The following P2RX5 variants were observed in gnomAD, a reference collection of about 807,000 sequenced individuals.
P2RX5 encodes the protein P2X purinoceptor 5.
P2RX5 carries 46 observed loss-of-function variants against 54.1 expected under a neutral mutation model. The observed-to-expected ratio is 0.85, with a 90% confidence interval of 0.67 to 1.09. The LOEUF (loss-of-function observed/expected upper bound fraction) is 1.09. P2RX5 is among the 50% of genes least tolerant of loss of function. The pLI is 0.00. For synonymous variants in P2RX5, 226 were observed against 226.4 expected (o/e 1.00, Z 0.02); for missense variants, 566 against 549.8 (o/e 1.03, Z -0.29).
the P2RX5 span, among the ~76,000 whole-genome samples, chr17:3,721,320 G>A: frequency 3.1e-5 from 4 of 129,482 alleles, no homozygotes; most frequent in Non-Finnish European, 4.7e-5. Flanking sequence ...TACTCGGGCC[G>A]GAATGGAGTG....
At chr17:3,689,143 G>A (rs906124529) in intron 7 of P2RX5, among the ~76,000 whole-genome samples, 5 of 148,354 alleles carry the variant, frequency 3.4e-5, no homozygotes, top group Admixed American at 6.6e-5. Flanking sequence ...TCTGAGCGCT[G>A]CCACAGCCTG....
chr17:3,689,971 C>A, intron 6 of P2RX5, 99 bp downstream of exon 6: 2 of 1,031,702 alleles, frequency 1.9e-6, no homozygotes, highest in Non-Finnish European at 3.1e-6. Context: ...TGCACACACG[C>A]GCGCACACAC....
At position 3,673,262 on chromosome 17, in the gene P2RX5, A is replaced by G. The variant is rs1200533645; in HGVS notation, c.*606T>C. 1 of 989,632 alleles carries G rather than the reference A, an allele frequency of 1.0e-6. No homozygotes were observed. The highest frequency in any genetic ancestry group is 1.2e-6 in the Non-Finnish European group (1 of 832,170). 61.3% of individuals were successfully genotyped at this position (989,632 alleles called of 1,614,324 possible). On this transcript the variant is annotated 3_prime_UTR_variant, in exon 12 of 12. Transcript: ENST00000225328. ...ACACCATTTATTGTTTTATGACCAA[A>G]TAAGAGTGTCAGAGAATACATATCT...
chr17:3,673,977 A>C, intron 11 of P2RX5, 100 bp from the exon 12 acceptor site: 1 of 1,130,054 alleles, frequency 8.8e-7, no homozygotes, highest in African/African-American at 1.5e-5. Context: ...CCAAGTCTGA[A>C]AAGAGCTACA....
Position 3,689,862 on chromosome 17 carries a change from G to A in P2RX5, c.614+208C>T, listed in dbSNP as rs569389766. 5.3e-5 allele frequency among the ~76,000 whole-genome samples: 8 copies of A among 151,726 alleles called. No individual in the cohort carries two copies. In the East Asian group the frequency reaches 7.7e-4, roughly 15 times the overall value. On this transcript the variant is annotated intron_variant, in intron 6 of 11. Transcript: ENST00000225328. ...CACACGCACACACGCGTGCACGCAC[G>A]CACACACGCGAACACACGCACACAC... is the stretch of plus-strand genomic sequence containing the variant.
intron 11 of P2RX5, chr17:3,676,267 T>C (rs2050102286): frequency 1.0e-6 from 1 of 985,436 alleles, no homozygotes; most frequent in Non-Finnish European, 1.2e-6. Flanking sequence ...ACGTACTTCA[T>C]GTCCATTTTT....
Position 3,688,978 on chromosome 17 carries a change from A to C in P2RX5, c.754-219T>G, listed in dbSNP as rs367797330. Among the ~76,000 whole-genome samples the C allele has an allele frequency of 8.5e-5, 13 of 152,292 alleles. No homozygotes were observed. The East Asian group carries it at 2.5e-3, about 29-fold the overall frequency. On this transcript the variant is annotated intron_variant, in intron 7 of 11. Transcript: ENST00000225328. ...CTGCCTCCCTCGTTCTTCAGGGAGA[A>C]GGGAGCCGCACAGGGTAGGCCTCTC...
At chr17:3,692,403 A>G (rs953512442) in intron 1 of P2RX5, among the ~76,000 whole-genome samples, 1 of 152,224 alleles carries the variant, frequency 6.6e-6, no homozygotes, top group African/African-American at 2.4e-5. Context: ...CTGAAGCCAC[A>G]TACTGGTTTG....
chr17:3,674,323 TAAAA>T (rs1342394961), intron 11 of P2RX5, among the ~76,000 whole-genome samples: 1 of 114,216 alleles, frequency 8.8e-6, no homozygotes, highest in South Asian at 2.8e-4. Context: ...CTCAAAAAAT[TAAAA>T]AAAAAAAATA....
At chr17:3,693,127 CA>C (rs34356240) in intron 1 of P2RX5, among the ~76,000 whole-genome samples, 71 of 101,666 alleles carry the variant, frequency 7.0e-4, no homozygotes, top group African/African-American at 2.4e-3. Context: ...AGACATTTCT[CA>C]AAAAAAAAAA....
the P2RX5 span, among the ~76,000 whole-genome samples, chr17:3,706,446 G>A: frequency 2.6e-5 from 4 of 152,168 alleles, no homozygotes; most frequent in Admixed American, 6.5e-5. Context: ...GTTAAAATTC[G>A]TCTCCTGAAG....
chr17:3,681,584 G>A (rs565502060), intron 10 of P2RX5, among the ~76,000 whole-genome samples: 15 of 152,322 alleles, frequency 9.8e-5, no homozygotes, highest in African/African-American at 3.1e-4. Context: ...GACACCACTC[G>A]ATTGGTAAAC....
chr17:3,697,252 C>G (rs2050778081), upstream of P2RX5, among the ~76,000 whole-genome samples: 1 of 152,168 alleles, frequency 6.6e-6, no homozygotes, highest in Admixed American at 6.5e-5. Flanking sequence ...TGGTTCCCAA[C>G]GCACAAGAAA....
chr17:3,681,062 C>T (rs1273120201), intron 10 of P2RX5, among the ~76,000 whole-genome samples: 1 of 152,066 alleles, frequency 6.6e-6, no homozygotes, highest in Admixed American at 6.6e-5. Flanking sequence ...ACCCTGCATC[C>T]TCCACCCAGC....
chr17:3,693,907 T>A (rs144501090), intron 1 of P2RX5, among the ~76,000 whole-genome samples: 1 of 151,772 alleles, frequency 6.6e-6, no homozygotes, highest in African/African-American at 2.4e-5. Context: ...TGAGATTACA[T>A]GCGCTCGCCA....
intron 11 of P2RX5, chr17:3,677,686 G>C (rs2050136100): frequency 6.1e-6 from 6 of 985,384 alleles, no homozygotes; most frequent in Non-Finnish European, 7.2e-6. Flanking sequence ...TCTCCCTGAG[G>C]TTAGGTCAGC....
In P2RX5 at chr17:3,684,419, C is replaced by T. The variant is rs539901908; in HGVS notation, c.982-2441G>A. Among the ~76,000 whole-genome samples, 4 of 152,366 alleles carry T rather than the reference C, an allele frequency of 2.6e-5. No individual in the cohort carries two copies. The East Asian group carries it at 5.8e-4, about 22-fold the overall frequency. The stretch of plus-strand genomic sequence containing the variant: ...AGGGGTTCAAGATCAGCCTGGCCAA[C>T]ATAGTGAGACCCCATTTCTACAAAA... On this transcript the variant is annotated intron_variant, in intron 9 of 11. Transcript: ENST00000225328.
intron 10 of P2RX5, among the ~76,000 whole-genome samples, chr17:3,680,744 ACCCAGCG>A (rs1225209952): frequency 0.011 from 990 of 91,770 alleles, 9 homozygotes; most frequent in Non-Finnish European, 0.015. Flanking sequence ...TGCGTCCTCC[ACCCAGCG>A]TCCTCCACCC....
chr17:3,694,147 T>C (rs1002990947), intron 1 of P2RX5, among the ~76,000 whole-genome samples: 1 of 146,442 alleles, frequency 6.8e-6, no homozygotes, highest in Non-Finnish European at 1.5e-5. Flanking sequence ...CAGGATAGTA[T>C]CAGCCACAGA....
Sources: allele counts gnomAD v4.1 joint callset (sites outside exome capture counted in the v4.1 genomes callset), GRCh38; gene constraint gnomAD v4.1.1; transcripts MANE v1.5; gene names NCBI Gene and HGNC (gene_info 2026-07-23, HGNC 2026-07-21).